Variants in SDK1 observed in about 807,000 individuals in gnomAD.
SDK1 encodes protein sidekick-1.
In SDK1, 157 loss-of-function variants were observed where a neutral mutation model predicts 245.5. The observed-to-expected ratio is 0.64, with a 90% CI of 0.56 to 0.73. The LOEUF (loss-of-function observed/expected upper bound fraction) is 0.73, where lower values mean the gene tolerates loss of function less well. Ranked by LOEUF, SDK1 falls within the 30% of genes least tolerant of loss-of-function variation. The pLI is 0.00. For missense variants in SDK1, 3,583 were observed against 3,002.3 expected, an observed-to-expected ratio of 1.19 and a Z score of -4.52; for synonymous variants, 1,647 against 1,278.5, an observed-to-expected ratio of 1.29 and a Z score of -6.15.
At chr7:3,385,898 GGTTA>G (rs1241124117) in intron 1 of SDK1, among the ~76,000 whole-genome samples, 4 of 151,826 alleles carry the variant, frequency 2.6e-5, no homozygotes, top group Non-Finnish European at 5.9e-5. Context: ...CAGATGTATA[GGTTA>G]GTTAGTAGTC....
chr7:3,772,637 C>T (rs1010218068), intron 4 of SDK1, among the ~76,000 whole-genome samples: 2 of 152,142 alleles, frequency 1.3e-5, no homozygotes, highest in Non-Finnish European at 2.9e-5. Context: ...CTAGCTTTTA[C>T]AATTGCTTAT....
intron 40 of SDK1, chr7:4,227,215 C>T (rs1353392233): frequency 2.2e-5 from 7 of 319,758 alleles, no homozygotes; most frequent in Admixed American, 1.7e-4. Context: ...CAAGAGGGGG[C>T]TGTTGCCATG....
At chr7:3,579,299 A>G (rs987261959) in intron 1 of SDK1, among the ~76,000 whole-genome samples, 4 of 149,714 alleles carry the variant, frequency 2.7e-5, no homozygotes, top group Non-Finnish European at 1.5e-5. Flanking sequence ...CCTGCAAACC[A>G]AGTCCAGCAG....
At chr7:3,801,914 C>A (rs985642746) in intron 4 of SDK1, among the ~76,000 whole-genome samples, 1 of 152,228 alleles carries the variant, frequency 6.6e-6, no homozygotes. Flanking sequence ...TGCTGACCAG[C>A]TGGAGGATGA....
In SDK1 at chr7:3,695,937, C is replaced by A. The variant is rs1370601356; in HGVS notation, c.713+53832C>A. 5.3e-5 allele frequency among the ~76,000 whole-genome samples: 8 copies of A among 152,130 alleles called. No individual in the cohort carries two copies. The South Asian group carries it at 8.3e-4, about 16-fold the overall frequency. On this transcript the variant is annotated intron_variant, in intron 4 of 44. Coordinates refer to ENST00000404826, the MANE Select transcript of SDK1 (RefSeq NM_152744.4). ...TACTTTTCACTTATTTCGGGTTTTG[C>A]AGCATTTGGAGTTGCTGACGCTCAT...
chr7:3,430,782 C>G (rs1286238907), intron 1 of SDK1, among the ~76,000 whole-genome samples: 3 of 152,214 alleles, frequency 2.0e-5, no homozygotes, highest in Non-Finnish European at 2.9e-5. Context: ...CTGTGCATGA[C>G]CTGCTAGGGC....
At chr7:3,856,565 T>C (rs111392507) in intron 5 of SDK1, among the ~76,000 whole-genome samples, 2,097 of 146,630 alleles carry the variant, frequency 0.014, 56 homozygotes, top group African/African-American at 0.051. Flanking sequence ...CCGAGGCAGG[T>C]GGATCACCTG....
intron 4 of SDK1, among the ~76,000 whole-genome samples, chr7:3,808,294 A>G (rs7788747): frequency 0.37 from 56,354 of 151,966 alleles, 12,353 homozygotes; most frequent in African/African-American, 0.61. Context: ...GAAGTGACAA[A>G]CAACTCCAGG....
chr7:3,988,854 C>T (rs913739007), intron 14 of SDK1, among the ~76,000 whole-genome samples: 1 of 152,206 alleles, frequency 6.6e-6, no homozygotes, highest in Non-Finnish European at 1.5e-5. Flanking sequence ...TCACTACAAC[C>T]TCTGCCTCCT....
intron 5 of SDK1, among the ~76,000 whole-genome samples, chr7:3,832,111 G>A (rs1160116812): frequency 6.6e-6 from 1 of 152,072 alleles, no homozygotes; most frequent in Non-Finnish European, 1.5e-5. Context: ...TAATAAACAA[G>A]AGGCCATAAG....
intron 1 of SDK1, among the ~76,000 whole-genome samples, chr7:3,499,683 G>T (rs1359468852): frequency 2.6e-5 from 4 of 152,210 alleles, no homozygotes; most frequent in Admixed American, 1.3e-4. Context: ...TGTTGCCACT[G>T]CAGGCTACTA....
chr7:4,222,754 A>G (rs1475228667), intron 40 of SDK1, among the ~76,000 whole-genome samples: 1 of 152,192 alleles, frequency 6.6e-6, no homozygotes, highest in Non-Finnish European at 1.5e-5. Flanking sequence ...TGTTGTGGAA[A>G]CAGAGGGTCC....
In SDK1 at chr7:3,951,856, C is replaced by T. The variant is rs752214798; in HGVS notation, c.1086C>T (p.Cys362=). The change falls in exon 7 of 45, where the codon TGC becomes TGT. Residue 362 remains cysteine (C), a synonymous_variant. Transcript: ENST00000404826. The part of the protein sequence containing the change: ...PTSADTGPYV[C]EAALPGSAFE... ...CCGCGGACACCGGGCCATACGTCTG[C>T]GAGGCGGCGCTGCCGGGGAGCGCTT... The T allele has an allele frequency of 1.1e-4, 171 of 1,613,596 alleles. No individual in the cohort carries two copies. Among genetic ancestry groups the T allele is most frequent in the Admixed American group, 4.7e-4 (28 of 59,976 alleles).
chr7:3,980,691 C>T (rs1427548072), intron 13 of SDK1, among the ~76,000 whole-genome samples: 1 of 152,220 alleles, frequency 6.6e-6, no homozygotes, highest in Admixed American at 6.5e-5. Context: ...CGCCTGTAAT[C>T]GCAGCACTTT....
chr7:4,160,014 G>C (rs1781012306), intron 31 of SDK1, among the ~76,000 whole-genome samples: 1 of 152,168 alleles, frequency 6.6e-6, no homozygotes, highest in Non-Finnish European at 1.5e-5. Flanking sequence ...GATGTGTGCA[G>C]GTTACATGCA....
At chr7:3,881,056 C>T (rs909135995) in intron 5 of SDK1, among the ~76,000 whole-genome samples, 55 of 152,166 alleles carry the variant, frequency 3.6e-4, no homozygotes, top group African/African-American at 1.1e-3. Context: ...TTTGGGAAAA[C>T]ACACAAACAT....
At chr7:3,557,094 G>C (rs2128624977) in intron 1 of SDK1, among the ~76,000 whole-genome samples, 1 of 151,936 alleles carries the variant, frequency 6.6e-6, no homozygotes, top group East Asian at 1.9e-4. Flanking sequence ...CAGAAGGAAA[G>C]AGATAATAAA....
chr7:3,535,089 C>T (rs35712973), intron 1 of SDK1, among the ~76,000 whole-genome samples: 10,484 of 152,102 alleles, frequency 0.069, 467 homozygotes, highest in East Asian at 0.21. Context: ...GCCTGGCCAA[C>T]ATGGTGAAAC....
chr7:3,367,746 G>A (rs1328070173), intron 1 of SDK1, among the ~76,000 whole-genome samples: 2 of 152,168 alleles, frequency 1.3e-5, no homozygotes, highest in Non-Finnish European at 2.9e-5. Flanking sequence ...TCAAATTCCA[G>A]TTGCCTTAAC....
Sources: allele counts gnomAD v4.1 joint callset (sites outside exome capture counted in the v4.1 genomes callset), GRCh38; gene constraint gnomAD v4.1.1; transcripts MANE v1.5; gene names NCBI Gene and HGNC (gene_info 2026-07-23, HGNC 2026-07-21).